Variants in MIB1 observed in about 807,000 individuals in gnomAD.
MIB1 encodes the protein E3 ubiquitin-protein ligase MIB1.
Under a neutral mutation model 124.5 loss-of-function variants are expected in MIB1, and 278 were observed. The ratio of observed to expected loss-of-function variants is 2.23; its 90% CI spans 2.02 to 2.47. The LOEUF (loss-of-function observed/expected upper bound fraction) is 2.47. Ranked by LOEUF, MIB1 falls within the 30% of genes most tolerant of loss-of-function variation. MIB1 has a pLI of 0.00. For missense variants in MIB1, 957 were observed against 1,254.4 expected, an observed-to-expected ratio of 0.76 and a Z score of 3.58; for synonymous variants, 446 against 429.4, an observed-to-expected ratio of 1.04 and a Z score of -0.48.
intron 4 of MIB1, among the ~76,000 whole-genome samples, chr18:21,777,648 G>A (rs555432807): frequency 5.3e-5 from 8 of 152,042 alleles, no homozygotes; most frequent in South Asian, 2.1e-4. Context: ...TCTGCCTCCC[G>A]GGTTCAAGCG....
At chr18:21,730,243 C>A (rs1456521783) in intron 1 of MIB1, among the ~76,000 whole-genome samples, 2 of 152,126 alleles carry the variant, frequency 1.3e-5, no homozygotes, top group African/African-American at 4.8e-5. Context: ...GCTCATATTT[C>A]TCCTCCAAGC....
intron 7 of MIB1, among the ~76,000 whole-genome samples, chr18:21,795,453 G>A (rs1394007259): frequency 6.8e-6 from 1 of 147,432 alleles, no homozygotes; most frequent in Non-Finnish European, 1.5e-5. Context: ...CTATATTAAA[G>A]CAGACAATGT....
intron 12 of MIB1, chr18:21,827,191 T>G (rs2041933395): frequency 6.6e-6 from 1 of 152,122 alleles, no homozygotes; most frequent in Non-Finnish European, 1.5e-5. Flanking sequence ...TGTCAGCAGA[T>G]GCCCAGAGTT....
At chr18:21,799,673 A>T (rs996101311) in intron 8 of MIB1, among the ~76,000 whole-genome samples, 168 bp from the exon 9 acceptor site, 5 of 152,098 alleles carry the variant, frequency 3.3e-5, no homozygotes, top group African/African-American at 1.2e-4. Context: ...CTTGCATTTA[A>T]TACAGCTTTT....
In MIB1 at chr18:21,792,386, TCTC is replaced by T. The variant is rs150092255; in HGVS notation, c.1092+832_1092+834del. 7.3e-3 allele frequency among the ~76,000 whole-genome samples: 1,105 copies of T among 152,112 alleles called. 11 individuals are homozygous for T. Among genetic ancestry groups the T allele is most frequent in the African/African-American group, 0.025 (1,039 of 41,504 alleles). On this transcript the variant is annotated intron_variant, in intron 7 of 20. Transcript: ENST00000261537. ...ACTCTACTGTAATTGTTCGGTCTCT[TCTC>T]CTGGCCAGCACCTCCTTCTCTTCCC...
chr18:21,862,931 T>C (rs1235813711), intron 20 of MIB1, among the ~76,000 whole-genome samples: 2 of 152,228 alleles, frequency 1.3e-5, no homozygotes, highest in Non-Finnish European at 2.9e-5. Context: ...TTAGACTGAA[T>C]GGAGCTATTT....
chr18:21,711,042 G>A (rs2040663470), intron 1 of MIB1, among the ~76,000 whole-genome samples: 1 of 151,976 alleles, frequency 6.6e-6, no homozygotes, highest in Admixed American at 6.6e-5. Flanking sequence ...GGCCAGGCTG[G>A]TCTTGAACTC....
chr18:21,748,345 C>T (rs2040933361), intron 1 of MIB1, among the ~76,000 whole-genome samples: 1 of 148,514 alleles, frequency 6.7e-6, no homozygotes, highest in African/African-American at 2.5e-5. Context: ...CTTTGCTTTT[C>T]TTCCTCTCTC....
At chr18:21,820,689 T>G (rs1243038516) in intron 12 of MIB1, among the ~76,000 whole-genome samples, 2 of 152,226 alleles carry the variant, frequency 1.3e-5, no homozygotes, top group Non-Finnish European at 2.9e-5. Flanking sequence ...GATAGCACTT[T>G]CCACATGCCA....
rs73963240 is a variant in MIB1, at chr18:21,705,780, C to T, written n.167+657C>T. 9.0e-3 allele frequency among the ~76,000 whole-genome samples: 1,368 copies of T among 152,226 alleles called. 22 individuals are homozygous for T. Among genetic ancestry groups the T allele is most frequent in the African/African-American group, 0.031 (1,279 of 41,552 alleles). On this transcript the variant is annotated intron_variant and non_coding_transcript_variant, in intron 1 of 20. Transcript: ENST00000578646. Reference sequence around the variant, plus strand: ...TGCAACTTGGTGGTTGGCTGCAGCACCCAAAATAATTCAATTACCTTTACT... The same window carrying T: ...TGCAACTTGGTGGTTGGCTGCAGCATCCAAAATAATTCAATTACCTTTACT...
intron 19 of MIB1, 142 bp from the exon 20 acceptor site, chr18:21,858,404 G>A: frequency 1.9e-6 from 1 of 520,000 alleles, no homozygotes. Flanking sequence ...ACTGTATGTT[G>A]TCCAAGTGTG....
chr18:21,801,223 T>G (rs2041647602), intron 9 of MIB1, among the ~76,000 whole-genome samples: 1 of 152,062 alleles, frequency 6.6e-6, no homozygotes, highest in South Asian at 2.1e-4. Flanking sequence ...TTTCTTCCTT[T>G]CCTTTACCTT....
chr18:21,705,728 C>T (rs1195421380), intron 1 of MIB1, among the ~76,000 whole-genome samples: 1 of 152,144 alleles, frequency 6.6e-6, no homozygotes, highest in Non-Finnish European at 1.5e-5. Context: ...CAGAAGTGAG[C>T]AATTTATTTG....
At chr18:21,795,755 A>G (rs867906679) in intron 7 of MIB1, among the ~76,000 whole-genome samples, 3 of 152,176 alleles carry the variant, frequency 2.0e-5, no homozygotes, top group South Asian at 2.1e-4. Context: ...TTTTCTTTAT[A>G]TCTTCATAGG....
chr18:21,794,986 T>C (rs2041556681), intron 7 of MIB1, among the ~76,000 whole-genome samples: 1 of 151,964 alleles, frequency 6.6e-6, no homozygotes, highest in Non-Finnish European at 1.5e-5. Flanking sequence ...GAAGGACTAG[T>C]GATCATGGAA....
At chr18:21,727,971 A>G (rs1249027049) in intron 1 of MIB1, among the ~76,000 whole-genome samples, 1 of 152,178 alleles carries the variant, frequency 6.6e-6, no homozygotes, top group African/African-American at 2.4e-5. Flanking sequence ...GTGAGCAGAG[A>G]ACCCAGCTAA....
chr18:21,802,511 T>G (rs1245673704), intron 9 of MIB1, among the ~76,000 whole-genome samples: 1 of 152,198 alleles, frequency 6.6e-6, no homozygotes, highest in East Asian at 1.9e-4. Flanking sequence ...TTCACATTCC[T>G]TTTGATAGTA....
intron 1 of MIB1, among the ~76,000 whole-genome samples, chr18:21,719,662 T>C (rs1411981757): frequency 2.0e-5 from 3 of 151,048 alleles, no homozygotes; most frequent in Non-Finnish European, 4.4e-5. Flanking sequence ...TTTCACCACA[T>C]TGGCCAGGCT....
intron 1 of MIB1, among the ~76,000 whole-genome samples, chr18:21,715,940 TGGG>T (rs976765387): frequency 6.6e-6 from 1 of 152,218 alleles, no homozygotes; most frequent in African/African-American, 2.4e-5. Flanking sequence ...AAAACATATT[TGGG>T]GGAATAATCA....
Sources: gnomAD v4.1 joint callset for allele counts (sites outside exome capture counted in the v4.1 genomes callset) on GRCh38, gnomAD v4.1.1 for gene constraint, MANE v1.5 for transcripts, NCBI Gene and HGNC (gene_info 2026-07-23, HGNC 2026-07-21) for gene names.